The following GALNT13 variants were observed in gnomAD, a reference collection of about 807,000 sequenced individuals.
GALNT13 encodes the protein polypeptide N-acetylgalactosaminyltransferase 13, also known as UDP-GalNAc:polypeptide N-acetylgalactosaminyltransferase 13.
A neutral mutation model predicts 64.2 loss-of-function variants in GALNT13; 28 were observed. The ratio of observed to expected loss-of-function variants is 0.44; its 90% CI spans 0.32 to 0.60. The LOEUF (loss-of-function observed/expected upper bound fraction) is 0.60. Among genes scored for constraint, GALNT13 ranks in the 20% least tolerant of loss-of-function variants. GALNT13 has a pLI of 0.05. For synonymous variants in GALNT13, 214 were observed against 224.6 expected (o/e 0.95, Z 0.42); for missense variants, 577 against 669.8 (o/e 0.86, Z 1.53).
At chr2:153,565,251 A>G in the GALNT13 span, among the ~76,000 whole-genome samples, 92 of 152,316 alleles carry the variant, frequency 6.0e-4, no homozygotes, top group African/African-American at 2.0e-3. Flanking sequence ...GGGAGAGGGG[A>G]AAGAAGAAAA....
chr2:153,686,393 A>AG, the GALNT13 span, among the ~76,000 whole-genome samples: 1 of 151,484 alleles, frequency 6.6e-6, no homozygotes, highest in African/African-American at 2.4e-5. Flanking sequence ...TAGGTATTTT[A>AG]TTATTTTTGT....
the GALNT13 span, among the ~76,000 whole-genome samples, chr2:153,502,550 G>C: frequency 0.11 from 16,529 of 152,178 alleles, 1,017 homozygotes; most frequent in African/African-American, 0.16. Flanking sequence ...CTATAAACTT[G>C]CGTGTGCAAG....
chr2:153,244,891 C>T, the GALNT13 span, among the ~76,000 whole-genome samples: 22 of 152,212 alleles, frequency 1.4e-4, no homozygotes, highest in African/African-American at 4.1e-4. Context: ...TTGAAATTCT[C>T]ACTGCCAGCA....
the GALNT13 span, among the ~76,000 whole-genome samples, chr2:153,252,814 C>T: frequency 0.082 from 12,500 of 152,192 alleles, 587 homozygotes; most frequent in South Asian, 0.12. Context: ...GGGCTCTGTT[C>T]TGTTACATTG....
chr2:154,079,631 A>G (rs994365770), intron 3 of GALNT13, among the ~76,000 whole-genome samples: 1 of 151,508 alleles, frequency 6.6e-6, no homozygotes, highest in African/African-American at 2.4e-5. Flanking sequence ...TTCGTCCCTC[A>G]TGATGAGTCA....
At chr2:154,335,588 T>C (rs1695398213) in intron 9 of GALNT13, among the ~76,000 whole-genome samples, 1 of 152,036 alleles carries the variant, frequency 6.6e-6, no homozygotes, top group African/African-American at 2.4e-5. Flanking sequence ...GACCCTTCTC[T>C]GTAATGGCCC....
intron 4 of GALNT13, among the ~76,000 whole-genome samples, chr2:154,166,012 T>G (rs1573790028): frequency 6.6e-6 from 1 of 152,228 alleles, no homozygotes; most frequent in East Asian, 1.9e-4. Flanking sequence ...CTGTGTCTGG[T>G]ACACTGGTCA....
chr2:153,509,300 T>C, the GALNT13 span, among the ~76,000 whole-genome samples: 2 of 152,298 alleles, frequency 1.3e-5, no homozygotes, highest in South Asian at 4.1e-4. Flanking sequence ...GCTCCCGCCC[T>C]GCCAACTGAA....
At chr2:154,016,066 G>T (rs1696982268) in intron 3 of GALNT13, among the ~76,000 whole-genome samples, 1 of 152,132 alleles carries the variant, frequency 6.6e-6, no homozygotes, top group African/African-American at 2.4e-5. Flanking sequence ...AAAATTACAT[G>T]TATTTCACTT....
At chr2:153,723,442 A>C in the GALNT13 span, among the ~76,000 whole-genome samples, 9 of 148,730 alleles carry the variant, frequency 6.1e-5, no homozygotes, top group Admixed American at 1.3e-4. Flanking sequence ...TAGTGTTGGA[A>C]GTTCTGGCCA....
chr2:153,270,252 C>T, the GALNT13 span, among the ~76,000 whole-genome samples: 1 of 152,098 alleles, frequency 6.6e-6, no homozygotes, highest in African/African-American at 2.4e-5. Flanking sequence ...CTGTGTCAGA[C>T]ATTTTAGGTA....
At chr2:153,658,493 C>A in the GALNT13 span, among the ~76,000 whole-genome samples, 1 of 152,120 alleles carries the variant, frequency 6.6e-6, no homozygotes, top group Non-Finnish European at 1.5e-5. Context: ...ATAGCAGGGT[C>A]TTGGCCTTAG....
chr2:153,182,078 C>T, the GALNT13 span, among the ~76,000 whole-genome samples: 1 of 151,112 alleles, frequency 6.6e-6, no homozygotes, highest in Admixed American at 6.6e-5. Context: ...GGGTCTCGCT[C>T]TGTCGCCCAG....
At chr2:154,052,585 A>C (rs906308404) in intron 3 of GALNT13, among the ~76,000 whole-genome samples, 1 of 151,782 alleles carries the variant, frequency 6.6e-6, no homozygotes, top group African/African-American at 2.4e-5. Flanking sequence ...GAGAGAGGAG[A>C]GTATCTTAAC....
the GALNT13 span, among the ~76,000 whole-genome samples, chr2:153,537,691 G>A: frequency 6.6e-6 from 1 of 152,138 alleles, no homozygotes; most frequent in Admixed American, 6.5e-5. Flanking sequence ...GCTCCCCCAT[G>A]CTGTTCTTGT....
chr2:153,073,154 T>A, the GALNT13 span, among the ~76,000 whole-genome samples: 1 of 152,138 alleles, frequency 6.6e-6, no homozygotes, highest in East Asian at 1.9e-4. Flanking sequence ...ATGAGAACTG[T>A]TATTTAATAA....
chr2:153,795,437 C>CA, the GALNT13 span, among the ~76,000 whole-genome samples: 2 of 151,996 alleles, frequency 1.3e-5, no homozygotes, highest in Non-Finnish European at 2.9e-5. Context: ...GGAACTGACA[C>CA]ACACCTGCCA....
chr2:153,400,248 A>C, the GALNT13 span, among the ~76,000 whole-genome samples: 1 of 151,728 alleles, frequency 6.6e-6, no homozygotes, highest in Non-Finnish European at 1.5e-5. Flanking sequence ...CGTATATTGA[A>C]CCAGCCTTGC....
At chr2:154,060,131 A>G (rs1319480845) in intron 3 of GALNT13, among the ~76,000 whole-genome samples, 1 of 152,180 alleles carries the variant, frequency 6.6e-6, no homozygotes, top group Non-Finnish European at 1.5e-5. Flanking sequence ...GAACATTTGC[A>G]AACCAGGAAG....
Sources: gnomAD v4.1 joint callset for allele counts (sites outside exome capture counted in the v4.1 genomes callset) on GRCh38, gnomAD v4.1.1 for gene constraint, MANE v1.5 for transcripts, NCBI Gene and HGNC (gene_info 2026-07-23, HGNC 2026-07-21) for gene names.